The following GRIP1 variants were observed in gnomAD, a reference collection of about 807,000 sequenced individuals.
GRIP1 encodes the protein glutamate receptor interacting protein 1.
GRIP1 carries 45 observed loss-of-function variants against 129.9 expected under a neutral mutation model. That is an observed-to-expected ratio of 0.35 (90% CI 0.27 to 0.44). The LOEUF is 0.44. Among genes scored for constraint, GRIP1 ranks in the 20% least tolerant of loss-of-function variants. The pLI, the probability that GRIP1 is intolerant of heterozygous loss-of-function variation, is 1.00. For missense variants in GRIP1, 1,196 were observed against 1,396.8 expected (o/e 0.86, Z 2.29); for synonymous variants, 530 against 520.8 (o/e 1.02, Z -0.24).
At chr12:66,700,781 A>G (rs1372930596) in intron 1 of GRIP1, among the ~76,000 whole-genome samples, 1 of 152,196 alleles carries the variant, frequency 6.6e-6, no homozygotes, top group Non-Finnish European at 1.5e-5. Flanking sequence ...GCAACAAGAC[A>G]GGAGGGATTT....
At chr12:66,642,490 G>C (rs1210074197) in intron 1 of GRIP1, among the ~76,000 whole-genome samples, 1 of 152,046 alleles carries the variant, frequency 6.6e-6, no homozygotes, top group Non-Finnish European at 1.5e-5. Context: ...TCACCAATGA[G>C]ACTATATTAA....
At chr12:67,068,862 C>CG (rs1314366076) in intron 1 of GRIP1, among the ~76,000 whole-genome samples, 1 of 71,896 alleles carries the variant, frequency 1.4e-5, no homozygotes, top group Non-Finnish European at 3.0e-5. Flanking sequence ...CGCCCCCCCC[C>CG]CCCCCCGCAA....
intron 15 of GRIP1, among the ~76,000 whole-genome samples, chr12:66,420,250 T>C (rs2057757468): frequency 6.6e-6 from 1 of 152,150 alleles, no homozygotes; most frequent in Non-Finnish European, 1.5e-5. Context: ...AATGAAAAAT[T>C]TGAGACCTCC....
chr12:66,369,141 T>C (rs560592361), intron 23 of GRIP1, among the ~76,000 whole-genome samples: 2 of 152,290 alleles, frequency 1.3e-5, no homozygotes, highest in African/African-American at 4.8e-5. Context: ...CATGTATGTA[T>C]TGTCACCATT....
intron 1 of GRIP1, among the ~76,000 whole-genome samples, chr12:66,777,723 C>A (rs556783960): frequency 8.5e-5 from 13 of 152,260 alleles, no homozygotes; most frequent in South Asian, 4.1e-4. Flanking sequence ...CACATGCATG[C>A]ATACCTACAC....
At chr12:66,979,915 C>T (rs774015680) in intron 1 of GRIP1, among the ~76,000 whole-genome samples, 11 of 152,134 alleles carry the variant, frequency 7.2e-5, no homozygotes, top group Non-Finnish European at 1.5e-4. Flanking sequence ...CCTGGCCCTG[C>T]TGTCACCTTG....
chr12:66,459,816 T>C (rs1309444044), intron 9 of GRIP1, among the ~76,000 whole-genome samples: 1 of 152,206 alleles, frequency 6.6e-6, no homozygotes, highest in Admixed American at 6.5e-5. Flanking sequence ...CTCCAAATGT[T>C]TTCTGTTTTA....
chr12:66,925,313 A>C (rs1283731354), intron 1 of GRIP1, among the ~76,000 whole-genome samples: 2 of 152,176 alleles, frequency 1.3e-5, no homozygotes, highest in Non-Finnish European at 2.9e-5. Context: ...GCAAAGCAGC[A>C]TGCACTCCCC....
At position 66,401,609 on chromosome 12, in the gene GRIP1, T is replaced by TATATATATATAC. The variant is rs1169241331; in HGVS notation, c.1984+4673_1984+4674insGTATATATATAT. On this transcript the variant is annotated intron_variant, in intron 16 of 24. Transcript: ENST00000359742. The stretch of plus-strand genomic sequence containing the variant: ...AAAAAAATATGTGTGTATATATATA[T>TATATATATATAC]ACACACACACACACACACACACACA... Among the ~76,000 whole-genome samples the TATATATATATAC allele has an allele frequency of 7.8e-3, 856 of 110,120 alleles. 12 individuals carry two copies. Among genetic ancestry groups the TATATATATATAC allele is most frequent in the East Asian group, 9.8e-3 (33 of 3,358 alleles). The allele number at this position is 110,120 out of a possible 152,430, so 72.2% of individuals were successfully genotyped here. A position where few individuals can be genotyped will look rare whatever the true frequency, so the allele number is the denominator to read the frequency against.
intron 2 of GRIP1, among the ~76,000 whole-genome samples, chr12:66,592,446 A>G (rs1053620559): frequency 6.6e-6 from 1 of 152,192 alleles, no homozygotes; most frequent in African/African-American, 2.4e-5. Flanking sequence ...GAAATCCCAC[A>G]CAAACATTCA....
chr12:66,886,145 A>G (rs529428540), intron 1 of GRIP1, among the ~76,000 whole-genome samples: 1 of 152,204 alleles, frequency 6.6e-6, no homozygotes, highest in African/African-American at 2.4e-5. Flanking sequence ...GCACGCCTGT[A>G]GTCCCAGCTA....
intron 1 of GRIP1, among the ~76,000 whole-genome samples, chr12:66,703,817 T>A (rs2035433426): frequency 6.6e-6 from 1 of 152,024 alleles, no homozygotes; most frequent in African/African-American, 2.4e-5. Context: ...TAAGATATAT[T>A]ACAAATCCAT....
intron 8 of GRIP1, among the ~76,000 whole-genome samples, chr12:66,463,296 G>T (rs530826130): frequency 4.2e-4 from 64 of 152,072 alleles, no homozygotes; most frequent in African/African-American, 1.5e-3. Context: ...GTGGAAAATA[G>T]AGAAAAATTC....
chr12:66,402,601 A>G (rs1175864359), intron 16 of GRIP1, among the ~76,000 whole-genome samples: 1 of 152,236 alleles, frequency 6.6e-6, no homozygotes, highest in East Asian at 1.9e-4. Flanking sequence ...TCCTGTGACC[A>G]GAGAGAGAAT....
At chr12:66,889,382 A>G (rs1025025884) in intron 1 of GRIP1, among the ~76,000 whole-genome samples, 1 of 152,152 alleles carries the variant, frequency 6.6e-6, no homozygotes, top group Non-Finnish European at 1.5e-5. Context: ...AATCACTTGA[A>G]CCTGGGAGGC....
intron 1 of GRIP1, among the ~76,000 whole-genome samples, chr12:67,013,338 T>G (rs151186054): frequency 3.3e-5 from 5 of 152,294 alleles, no homozygotes; most frequent in African/African-American, 1.2e-4. Context: ...TCTTTTCTGT[T>G]TTTTAAACAA....
At chr12:66,429,683 G>A (rs1318356934) in intron 14 of GRIP1, among the ~76,000 whole-genome samples, 2 of 152,092 alleles carry the variant, frequency 1.3e-5, no homozygotes, top group African/African-American at 2.4e-5. Flanking sequence ...GTGACAGAGT[G>A]AGATCCTGTC....
chr12:66,863,125 C>T (rs2040141454), intron 1 of GRIP1, among the ~76,000 whole-genome samples: 1 of 152,080 alleles, frequency 6.6e-6, no homozygotes, highest in African/African-American at 2.4e-5. Flanking sequence ...CTAAGGCTGA[C>T]TGAAACTCCT....
At chr12:66,394,142 A>T in intron 17 of GRIP1, 66 bp downstream of exon 17, 1 of 1,399,504 alleles carries the variant, frequency 7.1e-7, no homozygotes, top group Non-Finnish European at 1.0e-6. Context: ...GCATGTTTTT[A>T]TGTGGTTGTG....
Sources: allele counts gnomAD v4.1 joint callset (sites outside exome capture counted in the v4.1 genomes callset), GRCh38; gene constraint gnomAD v4.1.1; transcripts MANE v1.5; gene names NCBI Gene and HGNC (gene_info 2026-07-23, HGNC 2026-07-21).